The following CNBD1 variants were observed in gnomAD, a reference collection of about 807,000 sequenced individuals.
CNBD1 encodes the protein cyclic nucleotide binding domain containing 1.
A neutral mutation model predicts 54.4 loss-of-function variants in CNBD1; 71 were observed. That is an observed-to-expected ratio of 1.30 (90% CI 1.08 to 1.59). The LOEUF is 1.59. Among genes scored for constraint, CNBD1 ranks in the 40% most tolerant of loss-of-function variants. The pLI is 0.00. For missense variants in CNBD1, 659 were observed against 518.0 expected, an observed-to-expected ratio of 1.27 and a Z score of -2.64; for synonymous variants, 182 against 170.7, an observed-to-expected ratio of 1.07 and a Z score of -0.51.
At chr8:87,310,017 GC>G (rs1486368537) in intron 8 of CNBD1, among the ~76,000 whole-genome samples, 2 of 152,038 alleles carry the variant, frequency 1.3e-5, no homozygotes, top group African/African-American at 4.8e-5. Context: ...AAAATCAGTA[GC>G]ATTTCTATAT....
intron 2 of CNBD1, among the ~76,000 whole-genome samples, chr8:87,421,451 G>C (rs1807935866): frequency 8.8e-6 from 1 of 113,878 alleles, no homozygotes; most frequent in Admixed American, 1.3e-4. Flanking sequence ...ACAGTCCCCA[G>C]AGTGTGATGT....
At chr8:87,374,754 C>T (rs77625049) in intron 10 of CNBD1, among the ~76,000 whole-genome samples, 3 of 151,794 alleles carry the variant, frequency 2.0e-5, no homozygotes, top group Admixed American at 2.0e-4. Context: ...AAAATAGCAG[C>T]ATCACGTGAT....
At chr8:87,327,690 G>T (rs186739070) in intron 8 of CNBD1, among the ~76,000 whole-genome samples, 1 of 152,110 alleles carries the variant, frequency 6.6e-6, no homozygotes, top group Non-Finnish European at 1.5e-5. Flanking sequence ...CCACTGACCT[G>T]CGCCCACTGT....
At chr8:87,074,795 C>T (rs1810834331) in intron 4 of CNBD1, among the ~76,000 whole-genome samples, 1 of 152,176 alleles carries the variant, frequency 6.6e-6, no homozygotes, top group Non-Finnish European at 1.5e-5. Context: ...CTGGATATTT[C>T]AGTTGAAGGC....
Position 86,877,275 on chromosome 8 carries a change from A to G in CNBD1, c.89-10267A>G, listed in dbSNP as rs141754681. The stretch of plus-strand genomic sequence containing the variant: ...ACTCATTATTTATACTATCTCCATT[A>G]TAATCTATGAATAAGTTATTTATGT... On this transcript the variant is annotated intron_variant, in intron 1 of 10. Transcript: ENST00000518476. Among the ~76,000 whole-genome samples, 1,219 of 152,244 alleles carry G rather than the reference A, an allele frequency of 8.0e-3. 21 individuals are homozygous for G. The highest frequency in any genetic ancestry group is 0.027 in the African/African-American group (1,135 of 41,550).
chr8:87,392,220 A>G (rs1811323396), intron 2 of CNBD1, among the ~76,000 whole-genome samples: 1 of 152,050 alleles, frequency 6.6e-6, no homozygotes, highest in Non-Finnish European at 1.5e-5. Flanking sequence ...GTGAAGGGGT[A>G]CAGTCACTTT....
At chr8:87,032,358 CAT>C (rs1223363247) in intron 4 of CNBD1, among the ~76,000 whole-genome samples, 1 of 152,060 alleles carries the variant, frequency 6.6e-6, no homozygotes, top group African/African-American at 2.4e-5. Context: ...AGTCAACAAA[CAT>C]ATTTTTATGT....
intron 4 of CNBD1, among the ~76,000 whole-genome samples, chr8:87,085,120 C>A (rs1811071572): frequency 6.6e-6 from 1 of 152,002 alleles, no homozygotes; most frequent in African/African-American, 2.4e-5. Context: ...CTTTCTCTTC[C>A]CCTTTTGAGA....
chr8:87,011,577 T>A (rs1284964147), intron 4 of CNBD1, among the ~76,000 whole-genome samples: 3 of 151,922 alleles, frequency 2.0e-5, no homozygotes, highest in African/African-American at 7.3e-5. Context: ...TAAGTACTTA[T>A]TAAAATCTTC....
At chr8:87,330,494 A>C (rs559541254) in intron 8 of CNBD1, among the ~76,000 whole-genome samples, 43 of 151,992 alleles carry the variant, frequency 2.8e-4, no homozygotes, top group African/African-American at 9.2e-4. Flanking sequence ...TTTCCTTTCA[A>C]TTAGTTCAAC....
rs1811229447 is a variant in CNBD1 at position 87,388,112 on chromosome 8, A to T, written c.213+34326A>T. Among the ~76,000 whole-genome samples the T allele has an allele frequency of 2.0e-5, 3 of 152,236 alleles. No homozygotes were observed. The South Asian group carries it at 6.2e-4, about 32-fold the overall frequency. ...CTGGGACACATTCAAAACTGTGTAG[A>T]GGGAAATTTATAGCACTAAATGCCC... On this transcript the variant is annotated intron_variant, in intron 2 of 7. Transcript: ENST00000521593.
At chr8:87,173,762 T>C (rs904466904) in intron 4 of CNBD1, among the ~76,000 whole-genome samples, 5 of 151,964 alleles carry the variant, frequency 3.3e-5, no homozygotes, top group Non-Finnish European at 7.4e-5. Flanking sequence ...ATCTGCTTGG[T>C]GTTCTATAAC....
At chr8:87,380,955 A>G (rs1811060681) in intron 10 of CNBD1, among the ~76,000 whole-genome samples, 1 of 152,038 alleles carries the variant, frequency 6.6e-6, no homozygotes, top group Non-Finnish European at 1.5e-5. Context: ...AAGAATACGT[A>G]GTTAAAAATA....
intron 6 of CNBD1, among the ~76,000 whole-genome samples, chr8:87,281,583 T>G (rs1291112121): frequency 2.9e-5 from 2 of 68,980 alleles, no homozygotes; most frequent in African/African-American, 1.1e-4. Flanking sequence ...TATATATATA[T>G]ATATATATAT....
At chr8:87,223,864 T>G (rs1228633193) in intron 5 of CNBD1, among the ~76,000 whole-genome samples, 1 of 152,138 alleles carries the variant, frequency 6.6e-6, no homozygotes, top group Non-Finnish European at 1.5e-5. Context: ...ACCAACAGTG[T>G]AAAAGTGTTC....
chr8:86,958,433 A>C (rs979373681), intron 4 of CNBD1, among the ~76,000 whole-genome samples: 12 of 152,166 alleles, frequency 7.9e-5, no homozygotes, highest in African/African-American at 2.7e-4. Flanking sequence ...TTGGGTGTTA[A>C]AGTCTCCCAT....
intron 8 of CNBD1, among the ~76,000 whole-genome samples, chr8:87,325,990 G>A (rs1487619006): frequency 1.9e-5 from 2 of 108,010 alleles, no homozygotes; most frequent in Non-Finnish European, 4.0e-5. Flanking sequence ...CTCTTTTAGG[G>A]CAGGCCTGGT....
intron 6 of CNBD1, among the ~76,000 whole-genome samples, chr8:87,256,285 G>A (rs1356208129): frequency 4.6e-5 from 7 of 151,372 alleles, no homozygotes; most frequent in African/African-American, 1.5e-4. Flanking sequence ...GCCTCCCAGA[G>A]TGCTGGTATT....
chr8:87,001,029 A>C (rs1808979398), intron 4 of CNBD1, among the ~76,000 whole-genome samples: 2 of 152,040 alleles, frequency 1.3e-5, no homozygotes, highest in Non-Finnish European at 2.9e-5. Context: ...TTCCTCTTCC[A>C]TTTATTGAAT....
Sources: allele counts gnomAD v4.1 joint callset (sites outside exome capture counted in the v4.1 genomes callset), GRCh38; gene constraint gnomAD v4.1.1; transcripts MANE v1.5; gene names NCBI Gene and HGNC (gene_info 2026-07-23, HGNC 2026-07-21).